RTL4: variants seen among roughly 807,000 people sequenced by gnomAD.
The protein encoded by RTL4 is retrotransposon Gag like 4, also known as retrotransposon Gag-like protein 4.
RTL4 carries 4 observed loss-of-function variants against 5.3 expected under a neutral mutation model. That is an observed-to-expected ratio of 0.75 (90% CI 0.37 to 1.72). The LOEUF is 1.72. RTL4 is among the 40% of genes most tolerant of loss of function. RTL4 has a pLI of 0.04. For synonymous variants in RTL4, 98 were observed against 87.3 expected (o/e 1.12, Z -0.68); for missense variants, 260 against 227.1 (o/e 1.14, Z -0.93).
chrX:112,236,417 ATC>A, the RTL4 span, among the ~76,000 whole-genome samples: 23 of 58,253 alleles, frequency 3.9e-4, no homozygotes, highest in Non-Finnish European at 7.2e-4. Flanking sequence ...ATAGATCTAT[ATC>A]TATATATAGA....
At chrX:112,344,914 C>T in the RTL4 span, among the ~76,000 whole-genome samples, 1 of 111,211 alleles carries the variant, frequency 9.0e-6, no homozygotes. Context: ...TCTTACATGG[C>T]GGCAGGCAAG....
chrX:112,228,859 A>G, the RTL4 span, among the ~76,000 whole-genome samples: 1 of 112,023 alleles, frequency 8.9e-6, no homozygotes, highest in South Asian at 3.7e-4. Context: ...TTTGGTCTCA[A>G]TAAGATCTGA....
At chrX:112,088,084 C>T in the RTL4 span, among the ~76,000 whole-genome samples, 1 of 107,966 alleles carries the variant, frequency 9.3e-6, no homozygotes, top group Admixed American at 1.0e-4. Flanking sequence ...CTCCTGGGCT[C>T]AAGCTATCCT....
chrX:112,363,858 C>T, the RTL4 span, among the ~76,000 whole-genome samples: 1 of 111,470 alleles, frequency 9.0e-6, no homozygotes, highest in Non-Finnish European at 1.9e-5. Context: ...CAGTGAGATA[C>T]ATAGCCAGGT....
At chrX:112,084,551 G>T in the RTL4 span, among the ~76,000 whole-genome samples, 5 of 110,959 alleles carry the variant, frequency 4.5e-5, no homozygotes, top group African/African-American at 1.6e-4. Flanking sequence ...TTCAAAGGCA[G>T]TTTTACTGTG....
chrX:112,326,691 C>T, the RTL4 span, among the ~76,000 whole-genome samples: 1 of 112,113 alleles, frequency 8.9e-6, no homozygotes, highest in African/African-American at 3.2e-5. Flanking sequence ...GTAGGCTCCA[C>T]CTCTGGGGGC....
the RTL4 span, among the ~76,000 whole-genome samples, chrX:112,097,647 C>T: frequency 1.8e-5 from 2 of 111,219 alleles, no homozygotes. Flanking sequence ...AAGACTCTGC[C>T]AACAAAGTAT....
chrX:112,327,399 G>A, the RTL4 span, among the ~76,000 whole-genome samples: 1 of 111,430 alleles, frequency 9.0e-6, no homozygotes, highest in Non-Finnish European at 1.9e-5. Flanking sequence ...TGGAAGAAAG[G>A]GTATCAGCGA....
the RTL4 span, among the ~76,000 whole-genome samples, chrX:112,153,199 C>G: frequency 8.9e-6 from 1 of 112,003 alleles, no homozygotes; most frequent in African/African-American, 3.2e-5. Context: ...CTGGTTATAT[C>G]TCTAGTACTG....
upstream of RTL4, among the ~76,000 whole-genome samples, chrX:112,453,037 A>AAG (rs1182836521): frequency 9.0e-6 from 1 of 110,587 alleles, no homozygotes; most frequent in Non-Finnish European, 1.9e-5. Context: ...TGTCTCAAAA[A>AAG]AAAAAAAAGT....
At chrX:112,151,852 T>C in the RTL4 span, among the ~76,000 whole-genome samples, 1 of 112,210 alleles carries the variant, frequency 8.9e-6, no homozygotes, top group African/African-American at 3.2e-5. Context: ...AGTTTTCATG[T>C]TGACAGCCAT....
the RTL4 span, among the ~76,000 whole-genome samples, chrX:112,243,717 G>A: frequency 8.1e-5 from 9 of 111,234 alleles, no homozygotes; most frequent in South Asian, 3.8e-4. Flanking sequence ...TCTGATCTTC[G>A]TTATGTCTTG....
In RTL4 at chrX:112,456,459, A is replaced by G. The variant is rs146618781; in HGVS notation, c.*798A>G. ...TTCCAACTTATTCCTCTCTTCTCCA[A>G]CAACCCTACTTGAGGTTCCAGCATG... On this transcript the variant is annotated 3_prime_UTR_variant, in exon 1 of 1. Coordinates refer to ENST00000340433, the Ensembl canonical transcript of RTL4. 2.3e-3 allele frequency: 700 copies of G among 305,783 alleles called. 7 individuals are homozygous for G. Among genetic ancestry groups the G allele is most frequent in the African/African-American group, 0.018 (652 of 36,478 alleles). 25.2% of individuals were successfully genotyped at this position (305,783 alleles called of 1,213,427 possible). A position where few individuals can be genotyped will look rare whatever the true frequency, so the allele number is the denominator to read the frequency against.
chrX:112,391,262 A>C, the RTL4 span, among the ~76,000 whole-genome samples: 1,083 of 111,561 alleles, frequency 9.7e-3, 16 homozygotes, highest in African/African-American at 0.033. Context: ...TTGCCATTCT[A>C]CTGAATCTCG....
the RTL4 span, among the ~76,000 whole-genome samples, chrX:112,105,103 C>G: frequency 1.8e-5 from 2 of 111,481 alleles, no homozygotes; most frequent in Non-Finnish European, 3.8e-5. Flanking sequence ...TACTCTTTTT[C>G]ATGTTAGTTA....
At chrX:112,455,633 C>A in exon 1 of RTL4, 1 of 1,209,135 alleles carries the variant, frequency 8.3e-7, no homozygotes, top group Non-Finnish European at 1.1e-6. Context: ...CGAGCTCCGG[C>A]AACGACAAAT....
the RTL4 span, among the ~76,000 whole-genome samples, chrX:112,308,771 C>T: frequency 9.0e-6 from 1 of 111,474 alleles, no homozygotes; most frequent in African/African-American, 3.3e-5. Flanking sequence ...GCCAGCCTAT[C>T]ATGTCCTTAT....
the RTL4 span, among the ~76,000 whole-genome samples, chrX:112,325,720 C>G: frequency 8.9e-6 from 1 of 112,274 alleles, no homozygotes; most frequent in East Asian, 2.8e-4. Context: ...CTAGGCAATA[C>G]CATTCAGGGC....
the RTL4 span, among the ~76,000 whole-genome samples, chrX:112,250,155 T>C: frequency 9.1e-6 from 1 of 109,833 alleles, no homozygotes; most frequent in East Asian, 2.9e-4. Flanking sequence ...GGCTGGCGCC[T>C]GTAGTCCCAG....
Sources: gnomAD v4.1 joint callset for allele counts (sites outside exome capture counted in the v4.1 genomes callset) on GRCh38, gnomAD v4.1.1 for gene constraint, MANE v1.5 for transcripts, NCBI Gene and HGNC (gene_info 2026-07-23, HGNC 2026-07-21) for gene names.